The following HCN4 variants were observed in gnomAD, a reference collection of about 807,000 sequenced individuals.
The protein encoded by HCN4 is hyperpolarization activated cyclic nucleotide gated potassium channel 4.
HCN4 carries 29 observed loss-of-function variants against 76.9 expected under a neutral mutation model. The observed-to-expected ratio is 0.38, with a 90% confidence interval of 0.28 to 0.51. The LOEUF (loss-of-function observed/expected upper bound fraction) is 0.51, where lower values mean the gene tolerates loss of function less well. Among genes scored for constraint, HCN4 ranks in the 20% least tolerant of loss-of-function variants. HCN4 has a pLI of 0.90. For missense variants in HCN4, 1,416 were observed against 1,715.2 expected (o/e 0.83, Z 3.08); for synonymous variants, 772 against 762.5 (o/e 1.01, Z -0.21).
chr15:73,341,069 G>GGTGTGGGTGTGTGTGTGT (rs1555477059), intron 2 of HCN4: 23 of 145,860 alleles, frequency 1.6e-4, no homozygotes, highest in African/African-American at 5.9e-4. Context: ...GAGGGAGGTA[G>GGTGTGGGTGTGTGTGTGT]GTGTGTGTGT....
At chr15:73,324,048 A>G (rs1288642149) in intron 7 of HCN4, 41 bp downstream of exon 7, 2 of 1,558,778 alleles carry the variant, frequency 1.3e-6, no homozygotes, top group Non-Finnish European at 1.7e-6. Flanking sequence ...CTCCTCCCCC[A>G]ACACCCCCCA....
chr15:73,358,103 G>A (rs1173017298), intron 1 of HCN4, among the ~76,000 whole-genome samples: 1 of 152,164 alleles, frequency 6.6e-6, no homozygotes, highest in East Asian at 1.9e-4. Flanking sequence ...AGAACAGGAT[G>A]AGGGTCAGGA....
At chr15:73,363,435 T>C (rs1219694035) in intron 1 of HCN4, among the ~76,000 whole-genome samples, 1 of 152,156 alleles carries the variant, frequency 6.6e-6, no homozygotes, top group Non-Finnish European at 1.5e-5. Context: ...AAGCCCCAGA[T>C]TGCAGAGGGA....
chr15:73,327,158 G>A (rs1266542008), intron 4 of HCN4, among the ~76,000 whole-genome samples: 1 of 150,464 alleles, frequency 6.6e-6, no homozygotes, highest in African/African-American at 2.5e-5. Context: ...CCAGGCTGGG[G>A]TGCAGTGGTG....
At chr15:73,344,964 A>G (rs1171871714) in intron 1 of HCN4, among the ~76,000 whole-genome samples, 2 of 152,208 alleles carry the variant, frequency 1.3e-5, no homozygotes, top group African/African-American at 2.4e-5. Context: ...ACATTTACAC[A>G]ATAACAGATA....
intron 3 of HCN4, among the ~76,000 whole-genome samples, chr15:73,330,228 G>A (rs1033764115): frequency 1.3e-5 from 2 of 152,366 alleles, no homozygotes; most frequent in South Asian, 2.1e-4. Flanking sequence ...GCTTCCCTTG[G>A]GGGGACAAGC....
Position 73,322,495 on chromosome 15 carries a change from G to C in HCN4, c.3598C>G (p.Pro1200Ala). The change falls in exon 8 of 8, where the codon CCA becomes GCA. Residue 1200 changes from proline (P) to alanine (A), a missense_variant. Pro to Ala is a conservative substitution (Grantham distance 27). Transcript: ENST00000261917. ...AAGGGCCCAGCTCATAGATTGGATG[G>C]CAGTTTGGAGCGCACTGGCTCAGGC... The part of the protein sequence containing the change: ...ARPEPVRSKL[P>A]SNL The C allele has an allele frequency of 6.3e-7, 1 of 1,595,724 alleles. No homozygotes were observed. Among genetic ancestry groups the C allele is most frequent in the Non-Finnish European group, 8.5e-7 (1 of 1,171,024 alleles).
chr15:73,363,198 A>T (rs576731939), intron 1 of HCN4, among the ~76,000 whole-genome samples: 1 of 152,316 alleles, frequency 6.6e-6, no homozygotes, highest in South Asian at 2.1e-4. Context: ...AAGCCCAGCA[A>T]AGAAGGGGCC....
rs990915694 is a variant in HCN4, at chr15:73,325,240, G to A, written c.1738-45C>T. On this transcript the variant is annotated intron_variant, in intron 5 of 7. Transcript: ENST00000261917. The surrounding 1 kb of genome is among the most constrained non-coding windows in gnomAD (Gnocchi z 7.4). ...GGGACACGGGAAGGAGGTGGTGAGGGGAGCTGGCTGCCAGGAAGGCCTGGC... is the reference window on the plus strand; with the variant it reads ...GGGACACGGGAAGGAGGTGGTGAGGAGAGCTGGCTGCCAGGAAGGCCTGGC... The A allele has an allele frequency of 1.2e-6, 2 of 1,614,146 alleles. No individual in the cohort carries two copies. Among genetic ancestry groups the A allele is most frequent in the Non-Finnish European group, 1.7e-6 (2 of 1,179,994 alleles).
intron 1 of HCN4, among the ~76,000 whole-genome samples, chr15:73,348,760 C>T (rs866063794): frequency 2.6e-5 from 4 of 152,202 alleles, no homozygotes; most frequent in African/African-American, 4.8e-5. Context: ...TGGGTCTCCA[C>T]GCTTTCTCCC....
At position 73,323,317 on chromosome 15, in the gene HCN4, G is replaced by A; in HGVS notation, c.2776C>T (p.Leu926Phe). ...CGGGCGCCTGGCTGCAGCGGGGTGA[G>A]CAGGGGAGAGTCGGAGGAGGACAGG... The part of the protein sequence containing the change: ...GSLSSSDSPL[L>F]TPLQPGARSP... Residue 926 changes from leucine to phenylalanine, a missense_variant, in exon 8 of 8, where the codon CTC (leucine) becomes TTC (phenylalanine). This residue lies in a region of HCN4 where 633 missense variants were observed against 579.8 expected (regional missense o/e 1.09). Transcript: ENST00000261917. 3 of 1,557,288 alleles carry A rather than the reference G, an allele frequency of 1.9e-6. No individual in the cohort carries two copies. Among genetic ancestry groups the A allele is most frequent in the Non-Finnish European group, 2.6e-6 (3 of 1,150,128 alleles).
chr15:73,364,880 C>G (rs1352764974), intron 1 of HCN4, among the ~76,000 whole-genome samples: 2 of 152,186 alleles, frequency 1.3e-5, no homozygotes, highest in Admixed American at 6.5e-5. Flanking sequence ...GGAAGCAGCC[C>G]ATCACAGCCA....
At chr15:73,340,149 A>G (rs992632358) in intron 2 of HCN4, among the ~76,000 whole-genome samples, 2 of 152,182 alleles carry the variant, frequency 1.3e-5, no homozygotes, top group African/African-American at 4.8e-5. Flanking sequence ...TGGCCTGGCC[A>G]GGGTGGCAGT....
intron 2 of HCN4, among the ~76,000 whole-genome samples, chr15:73,339,196 C>G (rs968243997): frequency 1.4e-4 from 21 of 152,198 alleles, no homozygotes; most frequent in Admixed American, 1.4e-3. Flanking sequence ...AAGCTCACAC[C>G]TCGGAGGGAG....
Position 73,322,586 on chromosome 15 carries a change from CCCAA to C in HCN4, c.3503_3506del (p.Phe1168TrpfsTer12). ...GCCCCCCAGAAGAGGTGGCTCTTGC[CCCAA>C]ACAAAGACAGAGGGGGTGGCAAAGA... On this transcript the variant is annotated frameshift_variant, in exon 8 of 8. Transcript: ENST00000261917. LOFTEE classifies it high-confidence loss of function. The C allele has an allele frequency of 6.2e-7, 1 of 1,610,596 alleles. No homozygotes were observed. Among genetic ancestry groups the C allele is most frequent in the Non-Finnish European group, 8.5e-7 (1 of 1,178,802 alleles).
At chr15:73,350,965 A>G (rs916282073) in intron 1 of HCN4, among the ~76,000 whole-genome samples, 2 of 151,680 alleles carry the variant, frequency 1.3e-5, no homozygotes, top group Non-Finnish European at 2.9e-5. Context: ...TCTCCACTCC[A>G]CTTGATCTTA....
chr15:73,359,827 G>A (rs1000038203), intron 1 of HCN4, among the ~76,000 whole-genome samples: 1 of 152,162 alleles, frequency 6.6e-6, no homozygotes, highest in African/African-American at 2.4e-5. Context: ...AATAGATCAC[G>A]TGACCATTTC....
At chr15:73,352,991 T>C (rs1463357391) in intron 1 of HCN4, among the ~76,000 whole-genome samples, 1 of 148,784 alleles carries the variant, frequency 6.7e-6, no homozygotes, top group Non-Finnish European at 1.5e-5. Flanking sequence ...TATTGTTAAA[T>C]GGATGGATGG....
intron 1 of HCN4, among the ~76,000 whole-genome samples, chr15:73,358,189 G>A (rs986416442): frequency 3.9e-5 from 6 of 152,164 alleles, no homozygotes; most frequent in African/African-American, 7.2e-5. Flanking sequence ...GCTCTGGGGC[G>A]GGCCGGCCCC....
Sources: gnomAD v4.1 joint callset for allele counts (sites outside exome capture counted in the v4.1 genomes callset) on GRCh38, gnomAD v4.1.1 for gene constraint, gnomAD v4.1.1 regional missense constraint, Gnocchi (gnomAD v3.1) non-coding constraint, MANE v1.5 for transcripts, NCBI Gene and HGNC (gene_info 2026-07-23, HGNC 2026-07-21) for gene names.